KIF16B: variants seen among roughly 807,000 people sequenced by gnomAD.
The protein encoded by KIF16B is kinesin family member 16B, also known as kinesin-like protein KIF16B.
Under a neutral mutation model 156.3 loss-of-function variants are expected in KIF16B, and 98 were observed. That is an observed-to-expected ratio of 0.63 (90% CI 0.53 to 0.74). The LOEUF is 0.74. Ranked by LOEUF, KIF16B falls within the 30% of genes least tolerant of loss-of-function variation. KIF16B has a pLI of 0.00. For missense variants in KIF16B, 1,421 were observed against 1,606.5 expected (o/e 0.88, Z 1.97); for synonymous variants, 564 against 583.7 (o/e 0.97, Z 0.49).
chr20:16,431,663 T>C (rs372507249), intron 12 of KIF16B, among the ~76,000 whole-genome samples: 51 of 152,146 alleles, frequency 3.4e-4, no homozygotes, highest in African/African-American at 1.1e-3. Context: ...CAATAGATGC[T>C]AGCAACACAT....
intron 24 of KIF16B, among the ~76,000 whole-genome samples, chr20:16,331,906 G>A (rs1336878028): frequency 1.3e-5 from 2 of 152,242 alleles, no homozygotes; most frequent in East Asian, 1.9e-4. Context: ...TGACAAATAC[G>A]TAATAAACAT....
At chr20:16,554,970 G>T (rs1029758850) in intron 1 of KIF16B, among the ~76,000 whole-genome samples, 3 of 152,218 alleles carry the variant, frequency 2.0e-5, no homozygotes, top group Non-Finnish European at 2.9e-5. Context: ...ACCCTTTGCC[G>T]CTCCATGCCT....
intron 3 of KIF16B, among the ~76,000 whole-genome samples, chr20:16,524,756 G>T (rs1195570274): frequency 6.6e-6 from 1 of 152,144 alleles, no homozygotes; most frequent in African/African-American, 2.4e-5. Context: ...ATTCACAATA[G>T]CAAAGACTTG....
At chr20:16,377,412 A>AAATAAATAAATAAATAAAT (rs2064980315) in intron 19 of KIF16B, among the ~76,000 whole-genome samples, 3 of 151,242 alleles carry the variant, frequency 2.0e-5, no homozygotes, top group African/African-American at 7.4e-5. Context: ...TAAAATACAT[A>AAATAAATAAATAAATAAAT]AAATAAATAA....
chr20:16,428,548 G>T (rs539879566), intron 14 of KIF16B, among the ~76,000 whole-genome samples: 4 of 152,134 alleles, frequency 2.6e-5, no homozygotes, highest in Non-Finnish European at 5.9e-5. Context: ...TGTCATCTTT[G>T]TGAAGACAGT....
chr20:16,368,488 G>A (rs1296927664), intron 22 of KIF16B: 11 of 986,158 alleles, frequency 1.1e-5, no homozygotes, highest in African/African-American at 7.0e-5. Flanking sequence ...GAGCCCCCTC[G>A]GGGCACACAG....
At chr20:16,441,428 G>C (rs1485143103) in intron 12 of KIF16B, among the ~76,000 whole-genome samples, 3 of 152,114 alleles carry the variant, frequency 2.0e-5, no homozygotes, top group Admixed American at 6.6e-5. Context: ...CCCTTCCTCT[G>C]CACTGACCAG....
intron 12 of KIF16B, among the ~76,000 whole-genome samples, chr20:16,467,124 C>T (rs1347497111): frequency 6.6e-6 from 1 of 152,186 alleles, no homozygotes; most frequent in African/African-American, 2.4e-5. Flanking sequence ...CAGAGCCCAA[C>T]CTACCTGGGG....
At chr20:16,288,522 C>A (rs2063261349) in intron 25 of KIF16B, among the ~76,000 whole-genome samples, 1 of 148,828 alleles carries the variant, frequency 6.7e-6, no homozygotes, top group African/African-American at 2.5e-5. Context: ...GGGATCCCAT[C>A]ATAAGTGGAA....
chr20:16,272,763 A>G lies in KIF16B; in HGVS notation c.*490T>C, dbSNP rs2063001510. The G allele has an allele frequency of 6.5e-6, 1 of 152,870 alleles. No homozygotes were observed. Among genetic ancestry groups the G allele is most frequent in the Admixed American group, 6.5e-5 (1 of 15,298 alleles). 9.5% of individuals were successfully genotyped at this position (152,870 alleles called of 1,614,324 possible). On this transcript the variant is annotated 3_prime_UTR_variant, in exon 26 of 26. Transcript: ENST00000354981. ...TGAGGGAAAAAAAGAAAAAAATACA[A>G]TGAAATAATTTAAAATGCTTTTCTT...
chr20:16,498,635 C>T (rs1340209578), intron 10 of KIF16B, among the ~76,000 whole-genome samples: 3 of 151,972 alleles, frequency 2.0e-5, no homozygotes, highest in African/African-American at 7.2e-5. Flanking sequence ...ATACAATATT[C>T]CATTGTATAG....
intron 1 of KIF16B, among the ~76,000 whole-genome samples, chr20:16,565,975 C>A (rs1347996903): frequency 6.6e-6 from 1 of 152,226 alleles, no homozygotes; most frequent in Admixed American, 6.5e-5. Flanking sequence ...GACGTTCCTA[C>A]ACAAACAGGA....
chr20:16,495,285 A>G (rs143624147), intron 11 of KIF16B, among the ~76,000 whole-genome samples: 1 of 152,258 alleles, frequency 6.6e-6, no homozygotes, highest in East Asian at 1.9e-4. Context: ...AAGTTTCCCT[A>G]TTTAATCAGG....
At chr20:16,520,663 C>T (rs1437953381) in intron 3 of KIF16B, among the ~76,000 whole-genome samples, 1 of 152,210 alleles carries the variant, frequency 6.6e-6, no homozygotes, top group African/African-American at 2.4e-5. Flanking sequence ...TCTCCCAGCA[C>T]AGCACTCACG....
At chr20:16,372,473 G>T (rs1410875566) in intron 20 of KIF16B, among the ~76,000 whole-genome samples, 1 of 152,204 alleles carries the variant, frequency 6.6e-6, no homozygotes, top group Non-Finnish European at 1.5e-5. Flanking sequence ...TAAAATGTAG[G>T]TGAAGTTGTA....
intron 12 of KIF16B, among the ~76,000 whole-genome samples, chr20:16,448,035 T>C (rs1469314374): frequency 6.6e-6 from 1 of 152,192 alleles, no homozygotes; most frequent in African/African-American, 2.4e-5. Flanking sequence ...TATCTGTGCT[T>C]CTTCCTACCT....
intron 12 of KIF16B, among the ~76,000 whole-genome samples, chr20:16,490,043 C>G (rs1335091038): frequency 6.6e-6 from 1 of 152,166 alleles, no homozygotes; most frequent in South Asian, 2.1e-4. Context: ...CACTCCCTGT[C>G]ACTCTGCCCA....
Position 16,367,450 on chromosome 20 carries a change from A to G in KIF16B, c.3498+3136T>C, listed in dbSNP as rs1295072635. On this transcript the variant is annotated intron_variant, in intron 22 of 25. Transcript: ENST00000354981. ...ATCAAATTGTGCACCCGGAGGAGGT[A>G]TGTTTCGAGATCGAATGCGTGGATA... is the stretch of plus-strand genomic sequence containing the variant. 4 of 1,612,890 alleles carry G rather than the reference A, an allele frequency of 2.5e-6. No homozygotes were observed. Among genetic ancestry groups the G allele is most frequent in the Non-Finnish European group, 3.4e-6 (4 of 1,179,886 alleles).
At chr20:16,410,922 T>C (rs948233911) in intron 15 of KIF16B, among the ~76,000 whole-genome samples, 8 of 151,620 alleles carry the variant, frequency 5.3e-5, no homozygotes, top group African/African-American at 1.7e-4. Context: ...GGCTGCCTCA[T>C]TGTCTGCAGT....
Sources: allele counts gnomAD v4.1 joint callset (sites outside exome capture counted in the v4.1 genomes callset), GRCh38; gene constraint gnomAD v4.1.1; transcripts MANE v1.5; gene names NCBI Gene and HGNC (gene_info 2026-07-23, HGNC 2026-07-21).